Variants in FRMD5 observed in about 807,000 individuals in gnomAD.
FRMD5 encodes FERM domain containing 5, also known as FERM domain-containing protein 5.
Under a neutral mutation model 69.0 loss-of-function variants are expected in FRMD5, and 20 were observed. The observed-to-expected ratio is 0.29, with a 90% confidence interval of 0.20 to 0.42. The LOEUF is 0.42. Ranked by LOEUF, FRMD5 falls within the 10% of genes least tolerant of loss-of-function variation. FRMD5 has a pLI of 1.00. For missense variants in FRMD5, 595 were observed against 708.6 expected (o/e 0.84, Z 1.82); for synonymous variants, 271 against 260.1 (o/e 1.04, Z -0.40).
At chr15:43,984,098 T>C (rs1477538111) in intron 1 of FRMD5, among the ~76,000 whole-genome samples, 5 of 152,196 alleles carry the variant, frequency 3.3e-5, no homozygotes. Flanking sequence ...AACGTTGCTA[T>C]TATACATACT....
At chr15:44,115,807 G>C (rs969676952) in intron 1 of FRMD5, among the ~76,000 whole-genome samples, 1 of 152,200 alleles carries the variant, frequency 6.6e-6, no homozygotes, top group African/African-American at 2.4e-5. Flanking sequence ...GGAAAAAACT[G>C]CTACAAAGGT....
At chr15:44,001,763 C>T (rs547839852) in intron 1 of FRMD5, among the ~76,000 whole-genome samples, 44 of 151,936 alleles carry the variant, frequency 2.9e-4, no homozygotes, top group Non-Finnish European at 4.9e-4. Flanking sequence ...CATGCCACCA[C>T]GCCCAGCTAA....
rs140287390 is a variant in FRMD5 at position 44,161,730 on chromosome 15, C to G, written c.102+33223G>C. On this transcript the variant is annotated intron_variant, in intron 1 of 13. Transcript: ENST00000417257. ...GCAGCTGACCTCATCTACCTCTGTT[C>G]TACATCTTTCCAAATGTTCCAAGTT... 3.3e-3 allele frequency among the ~76,000 whole-genome samples: 506 copies of G among 152,282 alleles called. 4 individuals carry two copies. Among genetic ancestry groups the G allele is most frequent in the African/African-American group, 0.011 (451 of 41,562 alleles).
chr15:44,050,483 C>A (rs1892611685), intron 1 of FRMD5, among the ~76,000 whole-genome samples: 2 of 151,034 alleles, frequency 1.3e-5, no homozygotes, highest in Non-Finnish European at 2.9e-5. Context: ...CCTCAGCCTC[C>A]CGAGTAGCTG....
At chr15:44,195,725 G>T (rs1312338606), upstream of FRMD5, among the ~76,000 whole-genome samples, 2 of 152,194 alleles carry the variant, frequency 1.3e-5, no homozygotes, top group Non-Finnish European at 2.9e-5. Flanking sequence ...TCCAGATAGG[G>T]CGACTGCCCC....
chr15:44,066,198 A>G (rs545844269), intron 1 of FRMD5, among the ~76,000 whole-genome samples: 5 of 152,302 alleles, frequency 3.3e-5, no homozygotes, highest in Non-Finnish European at 7.4e-5. Flanking sequence ...TTCAATTTAA[A>G]TCAAAATAAT....
At chr15:44,196,880 G>C (rs540399917), upstream of FRMD5, among the ~76,000 whole-genome samples, 61 of 151,854 alleles carry the variant, frequency 4.0e-4, no homozygotes, top group African/African-American at 1.4e-3. Context: ...CATAGGAGCA[G>C]GATTCTCTTT....
At chr15:44,078,844 T>C (rs1893880618) in intron 1 of FRMD5, among the ~76,000 whole-genome samples, 1 of 152,004 alleles carries the variant, frequency 6.6e-6, no homozygotes, top group African/African-American at 2.4e-5. Flanking sequence ...GAAGAAAACA[T>C]AGGGAAAAAA....
intron 1 of FRMD5, among the ~76,000 whole-genome samples, chr15:43,937,120 T>G (rs1348105392): frequency 6.6e-6 from 1 of 152,226 alleles, no homozygotes; most frequent in African/African-American, 2.4e-5. Context: ...TGCCTTTCTA[T>G]AGGAAAGTGT....
intron 1 of FRMD5, among the ~76,000 whole-genome samples, chr15:43,973,842 A>T (rs938006432): frequency 2.0e-5 from 3 of 150,408 alleles, no homozygotes; most frequent in Non-Finnish European, 2.9e-5. Flanking sequence ...CAATTTGCGG[A>T]TATCTAGAAT....
At chr15:44,011,086 T>A (rs1352222334) in intron 1 of FRMD5, among the ~76,000 whole-genome samples, 1 of 151,554 alleles carries the variant, frequency 6.6e-6, no homozygotes, top group Non-Finnish European at 1.5e-5. Context: ...GGGGTCTTGT[T>A]GCTTCTGCTT....
chr15:44,082,273 C>T (rs147963754), intron 1 of FRMD5, among the ~76,000 whole-genome samples: 13 of 151,814 alleles, frequency 8.6e-5, no homozygotes, highest in African/African-American at 2.4e-4. Flanking sequence ...ATCTGCTAAT[C>T]GAGAATAAGT....
intron 12 of FRMD5, among the ~76,000 whole-genome samples, chr15:43,884,497 G>T (rs1595479780): frequency 6.6e-6 from 1 of 152,168 alleles, no homozygotes; most frequent in Non-Finnish European, 1.5e-5. Flanking sequence ...CAAGTGAAGT[G>T]GCACCTGGAT....
intron 4 of FRMD5, among the ~76,000 whole-genome samples, chr15:43,915,505 C>T (rs746832192): frequency 2.5e-4 from 38 of 152,248 alleles, no homozygotes; most frequent in African/African-American, 3.9e-4. Context: ...CTTCCTTGGA[C>T]GGCGGGGCCC....
chr15:44,114,598 G>A (rs2076843225), intron 1 of FRMD5, among the ~76,000 whole-genome samples: 1 of 152,100 alleles, frequency 6.6e-6, no homozygotes, highest in African/African-American at 2.4e-5. Context: ...CCATGTAACT[G>A]TTCTCATTTT....
intron 1 of FRMD5, chr15:44,101,331 T>A (rs2076637396): frequency 6.6e-6 from 1 of 152,584 alleles, no homozygotes; most frequent in South Asian, 2.1e-4. Context: ...AGGCAGGGTA[T>A]GAAATCAAAC....
At chr15:44,110,186 A>G (rs2076777714) in intron 1 of FRMD5, among the ~76,000 whole-genome samples, 1 of 152,116 alleles carries the variant, frequency 6.6e-6, no homozygotes, top group South Asian at 2.1e-4. Flanking sequence ...ATCCACAGGC[A>G]GTTTTTGTTT....
chr15:43,873,620 A>C lies in FRMD5; in HGVS notation c.*265T>G. 6.8e-7 allele frequency: 1 copy of C among 1,464,678 alleles called. No individual in the cohort carries two copies. Among genetic ancestry groups the C allele is most frequent in the Non-Finnish European group, 8.9e-7 (1 of 1,117,992 alleles). 90.7% of individuals were successfully genotyped at this position (1,464,678 alleles called of 1,614,324 possible). On this transcript the variant is annotated 3_prime_UTR_variant, in exon 14 of 14. Transcript: ENST00000417257. ...AATTCAAAACCAAAAATTATCCTGCAAATTGGAAAGATGAGAAACAGAGTC... is the reference window on the plus strand; with the variant it reads ...AATTCAAAACCAAAAATTATCCTGCCAATTGGAAAGATGAGAAACAGAGTC...
intron 1 of FRMD5, among the ~76,000 whole-genome samples, chr15:43,980,142 T>C (rs757524814): frequency 2.3e-4 from 35 of 152,242 alleles, no homozygotes; most frequent in Non-Finnish European, 4.6e-4. Context: ...TGTAGTATTA[T>C]GTTGCTTTTA....
Sources: allele counts gnomAD v4.1 joint callset (sites outside exome capture counted in the v4.1 genomes callset), GRCh38; gene constraint gnomAD v4.1.1; transcripts MANE v1.5; gene names NCBI Gene and HGNC (gene_info 2026-07-23, HGNC 2026-07-21).